Variants in ADAMTSL1 observed in about 807,000 individuals in gnomAD.
ADAMTSL1 encodes the protein ADAMTS like 1, also known as ADAMTS-like protein 1.
In ADAMTSL1, 126 loss-of-function variants were observed where a neutral mutation model predicts 201.8. The ratio of observed to expected loss-of-function variants is 0.62; its 90% CI spans 0.54 to 0.72. The LOEUF is 0.72. Among genes scored for constraint, ADAMTSL1 ranks in the 30% least tolerant of loss-of-function variants. The probability of loss-of-function intolerance (pLI) is 0.00; values close to 1 mark genes in which losing one functional copy is unlikely to be tolerated. For missense variants in ADAMTSL1, 2,679 were observed against 2,277.8 expected (o/e 1.18, Z -3.59); for synonymous variants, 1,121 against 903.4 (o/e 1.24, Z -4.32).
intron 1 of ADAMTSL1, among the ~76,000 whole-genome samples, chr9:18,150,800 A>G (rs1826874485): frequency 6.6e-6 from 1 of 152,050 alleles, no homozygotes; most frequent in African/African-American, 2.4e-5. Flanking sequence ...GCCTTAATCA[A>G]CAGGAAAGAC....
intron 2 of ADAMTSL1, among the ~76,000 whole-genome samples, chr9:18,253,317 G>C (rs1287989470): frequency 6.6e-6 from 1 of 152,180 alleles, no homozygotes; most frequent in African/African-American, 2.4e-5. Context: ...TGGGTGGATG[G>C]AGATGACTAA....
intron 2 of ADAMTSL1, among the ~76,000 whole-genome samples, chr9:18,520,071 C>G (rs1291037270): frequency 6.6e-6 from 1 of 152,132 alleles, no homozygotes. Context: ...TTTAGACATA[C>G]CAAACAGTCA....
chr9:18,509,541 G>T (rs918946599), intron 2 of ADAMTSL1, among the ~76,000 whole-genome samples: 15 of 152,302 alleles, frequency 9.8e-5, no homozygotes, highest in African/African-American at 3.6e-4. Context: ...GGGTTGGCTG[G>T]ATGTTGGCTG....
intron 15 of ADAMTSL1, among the ~76,000 whole-genome samples, chr9:18,750,636 A>G (rs183762736): frequency 6.6e-6 from 1 of 152,244 alleles, no homozygotes; most frequent in East Asian, 1.9e-4. Flanking sequence ...ATATACTTGT[A>G]TTTGGTTGTC....
At chr9:18,127,086 G>C (rs1266487901) in intron 1 of ADAMTSL1, among the ~76,000 whole-genome samples, 2 of 152,168 alleles carry the variant, frequency 1.3e-5, no homozygotes, top group Non-Finnish European at 1.5e-5. Flanking sequence ...GTGTGTAACT[G>C]GGAGCTCATT....
intron 25 of ADAMTSL1, chr9:18,890,847 C>A: frequency 3.3e-6 from 1 of 306,474 alleles, no homozygotes; most frequent in Non-Finnish European, 6.4e-6. Flanking sequence ...CCAAGCTGTG[C>A]AAAATGAAGA....
At chr9:17,972,761 C>G (rs1393697938) in intron 1 of ADAMTSL1, among the ~76,000 whole-genome samples, 1 of 147,342 alleles carries the variant, frequency 6.8e-6, no homozygotes, top group African/African-American at 2.5e-5. Context: ...AAGGGTTGAA[C>G]TAGTTTATAG....
intron 1 of ADAMTSL1, chr9:17,906,974 C>A (rs1825736089): frequency 6.6e-6 from 1 of 152,484 alleles, no homozygotes; most frequent in Non-Finnish European, 1.5e-5. Context: ...GCTTCTAAAG[C>A]CTGTGCTACA....
chr9:17,930,980 A>G (rs1193649540), intron 1 of ADAMTSL1, among the ~76,000 whole-genome samples: 1 of 152,186 alleles, frequency 6.6e-6, no homozygotes, highest in Non-Finnish European at 1.5e-5. Context: ...CCTTTCAACC[A>G]ATGTGCTATT....
chr9:17,959,338 A>T (rs1416101768), intron 1 of ADAMTSL1, among the ~76,000 whole-genome samples: 1 of 152,214 alleles, frequency 6.6e-6, no homozygotes, highest in African/African-American at 2.4e-5. Flanking sequence ...TTGTATGATT[A>T]AAAGTTTAGC....
intron 14 of ADAMTSL1, among the ~76,000 whole-genome samples, chr9:18,710,471 A>G (rs1397564190): frequency 6.6e-6 from 1 of 152,164 alleles, no homozygotes; most frequent in Non-Finnish European, 1.5e-5. Context: ...ATTAGAATGT[A>G]GTAACTCTGG....
chr9:18,745,728 G>A (rs1459329454), intron 15 of ADAMTSL1, among the ~76,000 whole-genome samples: 1 of 152,114 alleles, frequency 6.6e-6, no homozygotes, highest in African/African-American at 2.4e-5. Context: ...TAAAAACCAT[G>A]AGTTCATACT....
chr9:17,951,960 C>T (rs1395919541), intron 1 of ADAMTSL1, among the ~76,000 whole-genome samples: 1 of 151,788 alleles, frequency 6.6e-6, no homozygotes, highest in African/African-American at 2.4e-5. Context: ...ACCATCTTGC[C>T]CGGCTAATTT....
Position 18,710,661 on chromosome 9 carries a change from G to GTTTTTTTTT in ADAMTSL1, c.1876+3617_1876+3618insTTTTTTTTT, listed in dbSNP as rs1352571180. Among the ~76,000 whole-genome samples the GTTTTTTTTT allele has an allele frequency of 8.8e-5, 7 of 79,640 alleles. 2 individuals are homozygous for GTTTTTTTTT. Among genetic ancestry groups the GTTTTTTTTT allele is most frequent in the Non-Finnish European group, 9.8e-5 (4 of 40,734 alleles). The allele number at this position is 79,640 out of a possible 152,430, so 52.2% of individuals were successfully genotyped here. On this transcript the variant is annotated intron_variant, in intron 14 of 28. Transcript: ENST00000380548. ...TCCTTGCAGTCTTAGAAGGGCCTAA[G>GTTTTTTTTT]TTTTGTTTTGTTTTTTTTTTTTTTT... is the stretch of plus-strand genomic sequence containing the variant.
chr9:18,581,894 A>G (rs60886298), intron 4 of ADAMTSL1, among the ~76,000 whole-genome samples: 2,269 of 152,272 alleles, frequency 0.015, 53 homozygotes, highest in African/African-American at 0.052. Context: ...GAGTCAGCCC[A>G]GGCTTCTGCA....
At chr9:17,998,599 C>G (rs926954065) in intron 1 of ADAMTSL1, among the ~76,000 whole-genome samples, 1 of 151,966 alleles carries the variant, frequency 6.6e-6, no homozygotes, top group Non-Finnish European at 1.5e-5. Flanking sequence ...TGTATTTTTT[C>G]TTTTAATAAT....
intron 9 of ADAMTSL1, 25 bp from the exon 10 acceptor site, chr9:18,675,832 G>C: frequency 6.2e-7 from 1 of 1,608,526 alleles, no homozygotes; most frequent in Non-Finnish European, 8.5e-7. Flanking sequence ...TCTACTCAGA[G>C]GGTTGGCATT....
intron 1 of ADAMTSL1, among the ~76,000 whole-genome samples, chr9:18,078,231 TC>T (rs1255069945): frequency 1.3e-5 from 2 of 152,164 alleles, no homozygotes; most frequent in African/African-American, 4.8e-5. Context: ...ACAATTTTTT[TC>T]TCCCATTGTG....
intron 15 of ADAMTSL1, among the ~76,000 whole-genome samples, chr9:18,726,061 A>T (rs1817867588): frequency 6.6e-6 from 1 of 152,204 alleles, no homozygotes; most frequent in Non-Finnish European, 1.5e-5. Flanking sequence ...TCTCTGAAAT[A>T]GGATCATAGT....
Sources: gnomAD v4.1 joint callset for allele counts (sites outside exome capture counted in the v4.1 genomes callset) on GRCh38, gnomAD v4.1.1 for gene constraint, MANE v1.5 for transcripts, NCBI Gene and HGNC (gene_info 2026-07-23, HGNC 2026-07-21) for gene names.